Variants in NOVA2 observed in about 807,000 individuals in gnomAD.
NOVA2 encodes the protein RNA-binding protein Nova-2.
NOVA2 carries 9 observed loss-of-function variants against 22.5 expected under a neutral mutation model. The ratio of observed to expected loss-of-function variants is 0.40; its 90% CI spans 0.24 to 0.70. NOVA2 has a LOEUF of 0.70. Among genes scored for constraint, NOVA2 ranks in the 30% least tolerant of loss-of-function variants. The probability of loss-of-function intolerance (pLI) is 0.38; values close to 1 mark genes in which losing one functional copy is unlikely to be tolerated. For missense variants in NOVA2, 383 were observed against 682.8 expected (o/e 0.56, Z 4.89); for synonymous variants, 318 against 335.2 (o/e 0.95, Z 0.56).
chr19:45,967,972 C>T (rs1192535528), intron 1 of NOVA2: 1 of 151,824 alleles, frequency 6.6e-6, no homozygotes, highest in Non-Finnish European at 1.5e-5. Context: ...TCAGCCAATA[C>T]TCCCTTCCCC....
Position 45,939,719 on chromosome 19 carries a change from G to C in NOVA2, c.*144C>G. 9.9e-7 allele frequency: 1 copy of C among 1,010,110 alleles called. No homozygotes were observed. The highest frequency in any genetic ancestry group is 1.6e-5 in the South Asian group (1 of 61,742). The allele number at this position is 1,010,110 out of a possible 1,614,324, so 62.6% of individuals were successfully genotyped here. ...CAATCCTGCCTATGACTACCAGAAG[G>C]GGAGGGTGCAGTCGGGCCTACCCCA... is the stretch of plus-strand genomic sequence containing the variant. On this transcript the variant is annotated 3_prime_UTR_variant, in exon 4 of 4. Transcript: ENST00000263257.
At chr19:45,957,395 T>G (rs1600611472) in intron 2 of NOVA2, among the ~76,000 whole-genome samples, 1 of 152,048 alleles carries the variant, frequency 6.6e-6, no homozygotes, top group South Asian at 2.1e-4. Context: ...AAAAATTAGC[T>G]GGGCATGGTA....
At chr19:45,959,207 T>C (rs1004493707) in intron 2 of NOVA2, among the ~76,000 whole-genome samples, 2 of 151,952 alleles carry the variant, frequency 1.3e-5, no homozygotes, top group Non-Finnish European at 2.9e-5. Flanking sequence ...TTTCCTACAT[T>C]CCTGTGGGAT....
chr19:45,951,214 C>T (rs531349164), intron 3 of NOVA2, among the ~76,000 whole-genome samples: 6 of 152,256 alleles, frequency 3.9e-5, no homozygotes, highest in Admixed American at 1.3e-4. Context: ...CAATGGCTCA[C>T]GCCTGTAATC....
chr19:45,951,543 G>A (rs1026397937), intron 3 of NOVA2, among the ~76,000 whole-genome samples: 19 of 151,976 alleles, frequency 1.3e-4, no homozygotes, highest in African/African-American at 4.3e-4. Flanking sequence ...ACTTGAACCC[G>A]GGAGTTGTAG....
At chr19:45,945,556 C>T (rs905099061) in intron 3 of NOVA2, among the ~76,000 whole-genome samples, 1 of 151,940 alleles carries the variant, frequency 6.6e-6, no homozygotes, top group East Asian at 2.0e-4. Context: ...CCTCCGGCCT[C>T]GGCCTCCTAA....
intron 3 of NOVA2, among the ~76,000 whole-genome samples, chr19:45,946,539 T>C (rs1403234411): frequency 6.6e-6 from 1 of 152,112 alleles, no homozygotes; most frequent in African/African-American, 2.4e-5. Flanking sequence ...ATGTAGGAGA[T>C]TGTCCTTGGA....
Position 45,940,957 on chromosome 19 carries a change from G to A in NOVA2, c.397-12C>T, listed in dbSNP as rs1413975971. The A allele has an allele frequency of 2.5e-6, 4 of 1,587,652 alleles. No individual in the cohort carries two copies. The highest frequency in any genetic ancestry group is 3.4e-6 in the Non-Finnish European group (4 of 1,175,506). On this transcript the variant is annotated splice_polypyrimidine_tract_variant and intron_variant, in intron 3 of 3. Coordinates refer to ENST00000263257, the MANE Select transcript of NOVA2 (RefSeq NM_002516.4). ...ACGATCAGCTTGGCCTGCGTGGGGA[G>A]CAAAAGGGAGGGTCTTTAATTTTAT...
intron 3 of NOVA2, among the ~76,000 whole-genome samples, chr19:45,949,317 A>C (rs1345713559): frequency 1.5e-5 from 1 of 64,650 alleles, no homozygotes; most frequent in African/African-American, 7.0e-5. Flanking sequence ...CAGAGCTGTT[A>C]TTTCAAAAAA....
intron 3 of NOVA2, among the ~76,000 whole-genome samples, chr19:45,944,666 T>G (rs111899999): frequency 6.6e-6 from 1 of 152,188 alleles, no homozygotes; most frequent in Admixed American, 6.5e-5. Flanking sequence ...GAAAAAATTA[T>G]GCTAAGTGAA....
rs145810795 is a variant in NOVA2, at chr19:45,949,498, G to A, written c.396+4282C>T. 4.6e-3 allele frequency among the ~76,000 whole-genome samples: 697 copies of A among 152,254 alleles called. 13 individuals carry two copies. The highest frequency in any genetic ancestry group is 1.9e-3 in the Non-Finnish European group (126 of 68,030). ...GGTTTGAGGACAAGGGGTTAATCAT[G>A]TGGGAAAAATAAAGTTAGGTTTTAA... On this transcript the variant is annotated intron_variant, in intron 3 of 3. Coordinates refer to ENST00000263257, the MANE Select transcript of NOVA2 (RefSeq NM_002516.4).
intron 1 of NOVA2, among the ~76,000 whole-genome samples, chr19:45,966,210 C>T (rs1400126148): frequency 6.6e-6 from 1 of 152,144 alleles, no homozygotes; most frequent in African/African-American, 2.4e-5. Flanking sequence ...CTGTCTTTCT[C>T]ATGCCACCTT....
chr19:45,960,923 A>G, intron 2 of NOVA2, 87 bp downstream of exon 2: 1 of 1,370,204 alleles, frequency 7.3e-7, no homozygotes, highest in South Asian at 1.4e-5. Flanking sequence ...CTTAGGGCAG[A>G]CCTTCCCCCT....
intron 1 of NOVA2, 108 bp downstream of exon 1, chr19:45,973,159 C>T: frequency 2.8e-6 from 1 of 355,934 alleles, no homozygotes. Context: ...GGAGGGGTGT[C>T]TCTCCCCTCC....
chr19:45,966,115 C>T (rs950224523), intron 1 of NOVA2, among the ~76,000 whole-genome samples: 7 of 152,210 alleles, frequency 4.6e-5, no homozygotes, highest in Non-Finnish European at 1.0e-4. Flanking sequence ...CCAAACTTTT[C>T]CCTCCTTCTT....
intron 2 of NOVA2, among the ~76,000 whole-genome samples, chr19:45,958,722 C>A (rs1448023718): frequency 6.6e-6 from 1 of 152,118 alleles, no homozygotes; most frequent in Non-Finnish European, 1.5e-5. Context: ...TTCAGTTTCT[C>A]CACTGTCATT....
At chr19:45,951,664 G>C (rs926466410) in intron 3 of NOVA2, among the ~76,000 whole-genome samples, 2 of 151,412 alleles carry the variant, frequency 1.3e-5, no homozygotes, top group African/African-American at 2.4e-5. Context: ...AGGCGTGGTC[G>C]TGTTCACCTG....
At chr19:45,973,178 C>T in intron 1 of NOVA2, 89 bp downstream of exon 1, 1 of 618,716 alleles carries the variant, frequency 1.6e-6, no homozygotes. Flanking sequence ...CCCCAGAGCC[C>T]TTGCACCTGC....
chr19:45,967,884 A>C (rs926843873), intron 1 of NOVA2: 2 of 152,106 alleles, frequency 1.3e-5, no homozygotes, highest in African/African-American at 4.8e-5. Context: ...CGGAGGTTGC[A>C]ATGAGCCGAG....
Sources: allele counts gnomAD v4.1 joint callset (sites outside exome capture counted in the v4.1 genomes callset), GRCh38; gene constraint gnomAD v4.1.1; transcripts MANE v1.5; gene names NCBI Gene and HGNC (gene_info 2026-07-23, HGNC 2026-07-21).